The following DOCK4 variants were observed in gnomAD, a reference collection of about 807,000 sequenced individuals.
DOCK4 encodes the protein dedicator of cytokinesis 4.
DOCK4 carries 97 observed loss-of-function variants against 268.1 expected under a neutral mutation model. The ratio of observed to expected loss-of-function variants is 0.36; its 90% CI spans 0.31 to 0.43. The LOEUF (loss-of-function observed/expected upper bound fraction) is 0.43. DOCK4 is among the 20% of genes least tolerant of loss of function. The probability of loss-of-function intolerance (pLI) is 1.00; values close to 1 mark genes in which losing one functional copy is unlikely to be tolerated. For synonymous variants in DOCK4, 954 were observed against 887.2 expected (o/e 1.08, Z -1.34); for missense variants, 2,145 against 2,455.7 (o/e 0.87, Z 2.67).
intron 1 of DOCK4, among the ~76,000 whole-genome samples, chr7:112,200,453 A>G (rs1366256956): frequency 6.6e-6 from 1 of 152,254 alleles, no homozygotes; most frequent in East Asian, 1.9e-4. Context: ...GGGTAGACTC[A>G]GATAAAATAA....
intron 1 of DOCK4, among the ~76,000 whole-genome samples, chr7:112,152,469 C>T (rs188420267): frequency 6.6e-6 from 1 of 152,256 alleles, no homozygotes; most frequent in Admixed American, 6.5e-5. Flanking sequence ...GTCCAACAGG[C>T]AGGCAATGTG....
chr7:111,731,616 A>G (rs903311398), intron 52 of DOCK4, among the ~76,000 whole-genome samples: 1 of 152,222 alleles, frequency 6.6e-6, no homozygotes, highest in African/African-American at 2.4e-5. Flanking sequence ...GCCCATGTCT[A>G]CAAACCAATT....
At chr7:111,893,467 T>C (rs1365269592) in intron 16 of DOCK4, among the ~76,000 whole-genome samples, 1 of 152,224 alleles carries the variant, frequency 6.6e-6, no homozygotes, top group African/African-American at 2.4e-5. Flanking sequence ...AGCCCAGTCT[T>C]AGTTATCTCA....
At chr7:111,775,382 C>G (rs1204109168) in intron 36 of DOCK4, among the ~76,000 whole-genome samples, 1 of 152,172 alleles carries the variant, frequency 6.6e-6, no homozygotes, top group Non-Finnish European at 1.5e-5. Flanking sequence ...TTAAAGGGTT[C>G]TGCTTAAGAT....
intron 1 of DOCK4, among the ~76,000 whole-genome samples, chr7:112,099,016 G>A (rs575875326): frequency 2.6e-5 from 4 of 152,272 alleles, no homozygotes; most frequent in African/African-American, 9.6e-5. Context: ...AAGGCCAGGT[G>A]TGGTAGGTCA....
At chr7:112,116,501 C>T (rs75287433) in intron 1 of DOCK4, among the ~76,000 whole-genome samples, 4,063 of 152,260 alleles carry the variant, frequency 0.027, 158 homozygotes, top group East Asian at 0.2. Context: ...AGCATCCCTG[C>T]CCCATTTTCC....
chr7:112,049,215 CTT>C (rs1805130997), intron 1 of DOCK4, among the ~76,000 whole-genome samples: 1 of 152,000 alleles, frequency 6.6e-6, no homozygotes, highest in South Asian at 2.1e-4. Context: ...GAGCTTATAA[CTT>C]ATATAAATAC....
Position 111,736,995 on chromosome 7 carries a change from A to G in DOCK4, c.5233-6T>C, listed in dbSNP as rs1795545147. 6.2e-7 allele frequency: 1 copy of G among 1,600,710 alleles called. No homozygotes were observed. The highest frequency in any genetic ancestry group is 1.7e-5 in the Admixed American group (1 of 58,000). Reference sequence around the variant, plus strand: ...ATATGATTAAACAGCATCCTCTGCAAAGTTACAAGGGTTGATTTTTATGAT... The same window carrying G: ...ATATGATTAAACAGCATCCTCTGCAGAGTTACAAGGGTTGATTTTTATGAT... On this transcript the variant is annotated splice_region_variant and splice_polypyrimidine_tract_variant and intron_variant, in intron 49 of 52. Transcript: ENST00000428084.
chr7:112,077,493 G>A (rs982313825), intron 1 of DOCK4, among the ~76,000 whole-genome samples: 4 of 151,816 alleles, frequency 2.6e-5, no homozygotes, highest in African/African-American at 9.7e-5. Flanking sequence ...ACAAAATTAC[G>A]CATCATTTCT....
intron 1 of DOCK4, among the ~76,000 whole-genome samples, chr7:112,165,523 C>CGT (rs112020512): frequency 0.11 from 14,318 of 126,434 alleles, 1,005 homozygotes; most frequent in Admixed American, 0.25. Context: ...GAATAGTATA[C>CGT]GTGTGTGTGT....
At chr7:111,862,482 CTTTTTTTTTTTTTTT>C (rs1168060750) in intron 23 of DOCK4, among the ~76,000 whole-genome samples, 1 of 83,380 alleles carries the variant, frequency 1.2e-5, no homozygotes, top group Non-Finnish European at 2.2e-5. Flanking sequence ...GAAAATCATT[CTTTTTTTTTTTTTTT>C]TTTTTTTTTT....
At chr7:111,880,114 A>G (rs7786726) in intron 16 of DOCK4, among the ~76,000 whole-genome samples, 26,461 of 152,104 alleles carry the variant, frequency 0.17, 2,377 homozygotes, top group African/African-American at 0.18. Context: ...AACCCAAAGA[A>G]GACTACCTCA....
chr7:112,155,871 T>G (rs1816567539), intron 1 of DOCK4, among the ~76,000 whole-genome samples: 1 of 152,210 alleles, frequency 6.6e-6, no homozygotes, highest in East Asian at 1.9e-4. Flanking sequence ...TGGCTACATG[T>G]GACAACTGAG....
rs192219565 is a variant in DOCK4, at chr7:112,180,131, A to G, written c.37+25971T>C. 2.8e-4 allele frequency among the ~76,000 whole-genome samples: 42 copies of G among 152,300 alleles called. No homozygotes were observed. In the East Asian group the frequency reaches 6.9e-3, roughly 25 times the overall value. Reference sequence around the variant, plus strand: ...TTAGCTGTCAGTACCATGTAGGCATAGTTCTTCATTCAGAAAACAGACCAT... The same window carrying G: ...TTAGCTGTCAGTACCATGTAGGCATGGTTCTTCATTCAGAAAACAGACCAT... On this transcript the variant is annotated intron_variant, in intron 1 of 52. Coordinates refer to ENST00000428084, the MANE Select transcript of DOCK4 (RefSeq NM_001363540.2).
chr7:112,097,516 G>A (rs934648439), intron 1 of DOCK4, among the ~76,000 whole-genome samples: 1 of 152,110 alleles, frequency 6.6e-6, no homozygotes, highest in Non-Finnish European at 1.5e-5. Flanking sequence ...GGTCAAGGCT[G>A]TACTCCAGCC....
Position 111,901,794 on chromosome 7 carries a change from C to T in DOCK4, c.1200G>A (p.Met400Ile). 6.4e-7 allele frequency: 1 copy of T among 1,569,376 alleles called. No individual in the cohort carries two copies. The highest frequency in any genetic ancestry group is 8.7e-7 in the Non-Finnish European group (1 of 1,144,500). The change falls in exon 14 of 53, where the codon ATG becomes ATA. Residue 400 changes from methionine (M) to isoleucine (I), a missense_variant. By Grantham distance (10) the Met-to-Ile change is conservative (BLOSUM62 1). Transcript: ENST00000428084. ...GFSNIIMPGE[M>I]RNDLYITIER... ...CAATAGTGATATATAAATCATTCCT[C>T]ATTTCACCTATAAGGAAAGGAAAAT...
chr7:112,056,365 C>A (rs553065569), intron 1 of DOCK4, among the ~76,000 whole-genome samples: 1 of 151,958 alleles, frequency 6.6e-6, no homozygotes, highest in African/African-American at 2.4e-5. Context: ...TTTAAATATG[C>A]TAAATGTACT....
intron 1 of DOCK4, among the ~76,000 whole-genome samples, chr7:112,097,328 C>A (rs1178445353): frequency 6.7e-6 from 1 of 150,294 alleles, no homozygotes; most frequent in Non-Finnish European, 1.5e-5. Context: ...AATCCCAGCA[C>A]CTTGGGAGGC....
chr7:111,983,844 ACGCGCG>A (rs57929541), intron 7 of DOCK4, among the ~76,000 whole-genome samples: 9,104 of 138,902 alleles, frequency 0.066, 439 homozygotes, highest in East Asian at 0.25. Flanking sequence ...GTACACACAC[ACGCGCG>A]CGCGCGCGCG....
Sources: gnomAD v4.1 joint callset for allele counts (sites outside exome capture counted in the v4.1 genomes callset) on GRCh38, gnomAD v4.1.1 for gene constraint, MANE v1.5 for transcripts, NCBI Gene and HGNC (gene_info 2026-07-23, HGNC 2026-07-21) for gene names.